Variants in AGTR1 observed in about 807,000 individuals in gnomAD.
AGTR1 encodes angiotensin II receptor type 1.
AGTR1 carries 16 observed loss-of-function variants against 19.4 expected under a neutral mutation model. The observed-to-expected ratio is 0.82, with a 90% CI of 0.56 to 1.25. AGTR1 has a LOEUF of 1.25. AGTR1 is among the 50% of genes most tolerant of loss of function. AGTR1 has a pLI of 0.00. For missense variants in AGTR1, 373 were observed against 431.9 expected (o/e 0.86, Z 1.21); for synonymous variants, 153 against 154.9 (o/e 0.99, Z 0.09).
intron 2 of AGTR1, 135 bp from the exon 3 acceptor site, chr3:148,740,854 A>T: frequency 1.3e-6 from 1 of 742,940 alleles, no homozygotes; most frequent in Non-Finnish European, 2.1e-6. Context: ...GTGTTTCCTT[A>T]AGAAATATGA....
chr3:148,738,137 C>T (rs1332576223), intron 2 of AGTR1, among the ~76,000 whole-genome samples: 2 of 152,124 alleles, frequency 1.3e-5, no homozygotes, highest in African/African-American at 4.8e-5. Flanking sequence ...GAGTTGTGTG[C>T]TGTCAAAGTC....
chr3:148,719,371 TA>T (rs1421037172), intron 2 of AGTR1, among the ~76,000 whole-genome samples: 6 of 152,218 alleles, frequency 3.9e-5, no homozygotes, highest in African/African-American at 1.4e-4. Context: ...TTCCTCTAAA[TA>T]AGCAAAAACT....
rs535990901 is a variant in AGTR1 at position 148,734,238 on chromosome 3, T to C, written c.-47-6751T>C. On this transcript the variant is annotated intron_variant, in intron 2 of 2. Coordinates refer to ENST00000349243, the MANE Select transcript of AGTR1 (RefSeq NM_000685.5). ...ATTAACATTTTACTTTCATTGTAAT[T>C]CATATCCTAAATATAAATGTTAATA... Among the ~76,000 whole-genome samples the C allele has an allele frequency of 3.3e-5, 5 of 152,338 alleles. No individual in the cohort carries two copies. In the South Asian group the frequency reaches 1.0e-3, roughly 32 times the overall value.
At position 148,740,884 on chromosome 3, in the gene AGTR1, A is replaced by G. The variant is rs182049997; in HGVS notation, c.-47-105A>G. On this transcript the variant is annotated intron_variant, in intron 2 of 2. Transcript: ENST00000349243. ...ATATGATCCAGTATTTTTTCCTAAGACTAAAGTTGAGTTACTACGTTTATG... is the reference window on the plus strand; with the variant it reads ...ATATGATCCAGTATTTTTTCCTAAGGCTAAAGTTGAGTTACTACGTTTATG... The G allele has an allele frequency of 1.6e-5, 16 of 1,018,560 alleles. No individual in the cohort carries two copies. The Admixed American group carries it at 4.1e-4, about 26-fold the overall frequency. The allele number at this position is 1,018,560 out of a possible 1,614,324, so 63.1% of individuals were successfully genotyped here.
At position 148,710,145 on chromosome 3, in the gene AGTR1, CTTA is replaced by C. The variant is rs1712900554; in HGVS notation, c.-48+2122_-48+2124del. Among the ~76,000 whole-genome samples, 4 of 152,276 alleles carry C rather than the reference CTTA, an allele frequency of 2.6e-5. No homozygotes were observed. In the South Asian group the frequency reaches 8.3e-4, roughly 32 times the overall value. On this transcript the variant is annotated intron_variant, in intron 2 of 2. Coordinates refer to ENST00000349243, the MANE Select transcript of AGTR1 (RefSeq NM_000685.5). ...ACTGGACAGTACTGCTGTAAACACACTTATTAATAATGCAGCAGACTTTCTTGG... is the reference window on the plus strand; with the variant it reads ...ACTGGACAGTACTGCTGTAAACACACTTAATAATGCAGCAGACTTTCTTGG...
chr3:148,720,886 C>T (rs947085959), intron 2 of AGTR1, among the ~76,000 whole-genome samples: 1 of 152,248 alleles, frequency 6.6e-6, no homozygotes, highest in South Asian at 2.1e-4. Flanking sequence ...CATTCTACTT[C>T]ACAGTTTAGT....
intron 2 of AGTR1, among the ~76,000 whole-genome samples, chr3:148,727,854 G>C (rs2107956754): frequency 6.6e-6 from 1 of 152,210 alleles, no homozygotes; most frequent in Middle Eastern, 3.4e-3. Context: ...AATTATCAAA[G>C]GTTAAAACAA....
At chr3:148,724,047 G>A (rs1024154144) in intron 2 of AGTR1, among the ~76,000 whole-genome samples, 2 of 151,926 alleles carry the variant, frequency 1.3e-5, no homozygotes. Flanking sequence ...ACAGTGTTGG[G>A]TTTTAAAATA....
intron 2 of AGTR1, among the ~76,000 whole-genome samples, chr3:148,721,103 C>T (rs779463307): frequency 2.0e-5 from 3 of 152,052 alleles, no homozygotes; most frequent in Non-Finnish European, 4.4e-5. Context: ...GGTAAAAGGG[C>T]AAGGTCATTA....
At chr3:148,705,205 T>G (rs1252760804) in intron 1 of AGTR1, among the ~76,000 whole-genome samples, 1 of 152,180 alleles carries the variant, frequency 6.6e-6, no homozygotes, top group Non-Finnish European at 1.5e-5. Context: ...AAAAATCTCA[T>G]AGCATAGCAT....
At chr3:148,715,027 T>G (rs1713212921) in intron 2 of AGTR1, among the ~76,000 whole-genome samples, 1 of 152,202 alleles carries the variant, frequency 6.6e-6, no homozygotes, top group South Asian at 2.1e-4. Flanking sequence ...TCCATTTAAA[T>G]TATTTTATCT....
In AGTR1 at chr3:148,742,154, A is replaced by G; in HGVS notation, c.*39A>G. 1.2e-6 allele frequency: 2 copies of G among 1,609,976 alleles called. No individual in the cohort carries two copies. Among genetic ancestry groups the G allele is most frequent in the Non-Finnish European group, 1.7e-6 (2 of 1,176,330 alleles). On this transcript the variant is annotated 3_prime_UTR_variant, in exon 3 of 3. Transcript: ENST00000349243. ...TGTCCATAAAGTAATTTTGTGAAAG[A>G]AGGAGCAAGAGAACATTCCTCTGCA... is the stretch of plus-strand genomic sequence containing the variant.
At chr3:148,704,224 C>T (rs1712524916) in intron 1 of AGTR1, among the ~76,000 whole-genome samples, 1 of 151,786 alleles carries the variant, frequency 6.6e-6, no homozygotes. Flanking sequence ...TGGCGCACAC[C>T]ATGTAGTAGT....
intron 2 of AGTR1, among the ~76,000 whole-genome samples, chr3:148,737,341 G>A (rs1229959703): frequency 6.6e-6 from 1 of 152,034 alleles, no homozygotes; most frequent in African/African-American, 2.4e-5. Context: ...CCACCTGGCT[G>A]GTTTCCAGGT....
intron 2 of AGTR1, among the ~76,000 whole-genome samples, chr3:148,720,616 A>T (rs1713575883): frequency 1.3e-5 from 2 of 152,234 alleles, no homozygotes; most frequent in Non-Finnish European, 2.9e-5. Context: ...TATGTACAGT[A>T]CTTAACAGTA....
intron 2 of AGTR1, chr3:148,740,073 T>C (rs1395730908): frequency 2.0e-6 from 2 of 992,394 alleles, no homozygotes; most frequent in Non-Finnish European, 1.3e-6. Flanking sequence ...TGACTGTTGA[T>C]TATGTAGAAA....
chr3:148,714,136 A>G (rs992422233), intron 2 of AGTR1, among the ~76,000 whole-genome samples: 1 of 152,192 alleles, frequency 6.6e-6, no homozygotes, highest in Non-Finnish European at 1.5e-5. Context: ...GTTTCAGTCA[A>G]TAAGTGTTTT....
chr3:148,724,845 T>C (rs1018917670), intron 2 of AGTR1, among the ~76,000 whole-genome samples: 1 of 152,242 alleles, frequency 6.6e-6, no homozygotes, highest in African/African-American at 2.4e-5. Flanking sequence ...ATATATTTTC[T>C]CTGAATTAGA....
intron 1 of AGTR1, among the ~76,000 whole-genome samples, chr3:148,698,458 T>C (rs1712103910): frequency 6.6e-6 from 1 of 152,234 alleles, no homozygotes; most frequent in Admixed American, 6.5e-5. Flanking sequence ...CTGAGGCTTT[T>C]AGTTAACTCT....
Sources: gnomAD v4.1 joint callset for allele counts (sites outside exome capture counted in the v4.1 genomes callset) on GRCh38, gnomAD v4.1.1 for gene constraint, MANE v1.5 for transcripts, NCBI Gene and HGNC (gene_info 2026-07-23, HGNC 2026-07-21) for gene names.